The following PRMT8 variants were observed in gnomAD, a reference collection of about 807,000 sequenced individuals.
PRMT8 encodes the protein protein arginine N-methyltransferase 8.
A neutral mutation model predicts 47.1 loss-of-function variants in PRMT8; 7 were observed. The ratio of observed to expected loss-of-function variants is 0.15; its 90% CI spans 0.08 to 0.28. The LOEUF is 0.28. Ranked by LOEUF, PRMT8 falls within the 10% of genes least tolerant of loss-of-function variation. PRMT8 has a pLI of 1.00. For synonymous variants in PRMT8, 188 were observed against 186.5 expected (o/e 1.01, Z -0.07); for missense variants, 237 against 505.4 (o/e 0.47, Z 5.09).
intron 1 of PRMT8, among the ~76,000 whole-genome samples, chr12:3,443,930 A>T (rs946266720): frequency 6.6e-6 from 1 of 152,188 alleles, no homozygotes; most frequent in Non-Finnish European, 1.5e-5. Flanking sequence ...CATGCCCCTC[A>T]AAAGACAAGG....
Position 3,409,978 on chromosome 12 carries a change from TC to T in PRMT8, c.48+28537del, listed in dbSNP as rs1864409937. ...AACTGGGAGGCGTGGATGGAGTGGC[TC>T]TGGCCCTCTGGCAGCCTGTTACCTC... On this transcript the variant is annotated intron_variant, in intron 1 of 9. Coordinates refer to the PRMT8 transcript ENST00000452611. This position sits in a 1 kb window ranked among gnomAD's most constrained non-coding sequence, Gnocchi z 4.4. Among the ~76,000 whole-genome samples, 1 of 152,204 alleles carries T rather than the reference TC, an allele frequency of 6.6e-6. No homozygotes were observed. The highest frequency in any genetic ancestry group is 1.5e-5 in the Non-Finnish European group (1 of 68,024).
At chr12:3,489,819 ACACACACACACACACGCGCG>A (rs1352669739), upstream of PRMT8, among the ~76,000 whole-genome samples, 1 of 141,512 alleles carries the variant, frequency 7.1e-6, no homozygotes, top group Admixed American at 6.9e-5. Flanking sequence ...ACACACACAC[ACACACACACACACACGCGCG>A]CACACACACA....
chr12:3,587,966 C>A (rs955838276), intron 8 of PRMT8, among the ~76,000 whole-genome samples: 5 of 152,180 alleles, frequency 3.3e-5, no homozygotes, highest in East Asian at 1.9e-4. Flanking sequence ...GTGCCCCCCC[C>A]ACCACAACAC....
intron 1 of PRMT8, among the ~76,000 whole-genome samples, chr12:3,458,598 A>G (rs940935406): frequency 2.0e-5 from 3 of 152,358 alleles, no homozygotes; most frequent in Admixed American, 1.3e-4. Context: ...TTTTGAGCCA[A>G]TCAGACCTTT....
rs1283020024 is a variant in PRMT8, at chr12:3,580,013, AT to A, written c.828+3030del. Among the ~76,000 whole-genome samples, 1 of 151,830 alleles carries A rather than the reference AT, an allele frequency of 6.6e-6. No individual in the cohort carries two copies. The highest frequency in any genetic ancestry group is 1.5e-5 in the Non-Finnish European group (1 of 67,968). On this transcript the variant is annotated intron_variant, in intron 7 of 9. Coordinates refer to ENST00000382622, the MANE Select transcript of PRMT8 (RefSeq NM_019854.5). This position sits in a 1 kb window ranked among gnomAD's most constrained non-coding sequence, Gnocchi z 4.6. Reference sequence around the variant, plus strand: ...TGGGGAGTCAGGGTAACTGGGGCTGATTTGGTTGGGGGTTGGGGAACCTGAG... The same window carrying A: ...TGGGGAGTCAGGGTAACTGGGGCTGATTGGTTGGGGGTTGGGGAACCTGAG...
In PRMT8 at chr12:3,566,747, C is replaced by A. The variant is rs1866727072; in HGVS notation, c.482-1959C>A. On this transcript the variant is annotated intron_variant, in intron 4 of 9. Coordinates refer to ENST00000382622, the MANE Select transcript of PRMT8 (RefSeq NM_019854.5). The surrounding 1 kb of genome is among the most constrained non-coding windows in gnomAD (Gnocchi z 4.7). ...AGATGTGGTTCTTTTGATTTTTACT[C>A]CTAAGTACAGGCCATTGTTTGTTTT... Among the ~76,000 whole-genome samples, 1 of 152,154 alleles carries A rather than the reference C, an allele frequency of 6.6e-6. No homozygotes were observed. Among genetic ancestry groups the A allele is most frequent in the African/African-American group, 2.4e-5 (1 of 41,436 alleles).
At chr12:3,592,000 G>T (rs570150236) in intron 8 of PRMT8, among the ~76,000 whole-genome samples, 1 of 152,124 alleles carries the variant, frequency 6.6e-6, no homozygotes, top group African/African-American at 2.4e-5. Context: ...GCACTGAGGA[G>T]ATGGGGATGT....
chr12:3,397,994 C>A (rs1258829429), intron 1 of PRMT8, among the ~76,000 whole-genome samples: 1 of 152,200 alleles, frequency 6.6e-6, no homozygotes, highest in African/African-American at 2.4e-5. Flanking sequence ...TCCATCACCC[C>A]TTTGACTAGG....
intron 1 of PRMT8, among the ~76,000 whole-genome samples, chr12:3,434,848 G>A (rs1305783324): frequency 6.6e-6 from 1 of 151,216 alleles, no homozygotes; most frequent in African/African-American, 2.5e-5. Context: ...AAGGGCCTCA[G>A]GAGGAAGTGT....
At position 3,468,207 on chromosome 12, in the gene PRMT8, C is replaced by T. The variant is rs552008481; in HGVS notation, c.49-72399C>T. Among the ~76,000 whole-genome samples the T allele has an allele frequency of 1.1e-4, 17 of 152,214 alleles. No individual in the cohort carries two copies. In the East Asian group the frequency reaches 2.3e-3, roughly 21 times the overall value. ...GACCTTCTCTGGGCTGGATATCGTG[C>T]GTAAGCAGGTGCACTACTGTGATCG... On this transcript the variant is annotated intron_variant, in intron 1 of 9. Coordinates refer to the PRMT8 transcript ENST00000452611.
chr12:3,444,050 G>A (rs1050125299), intron 1 of PRMT8, among the ~76,000 whole-genome samples: 1 of 152,128 alleles, frequency 6.6e-6, no homozygotes, highest in Non-Finnish European at 1.5e-5. Flanking sequence ...ATTATATTAT[G>A]TACAACACCA....
At chr12:3,491,831 CCTGTGTG>C in intron 1 of PRMT8, 131 bp downstream of exon 1, 1 of 738,920 alleles carries the variant, frequency 1.4e-6, no homozygotes, top group Non-Finnish European at 1.9e-6. Flanking sequence ...CCGGCCTCCT[CCTGTGTG>C]TGTGTGTGTG....
At chr12:3,571,622 G>GA (rs990421732) in intron 6 of PRMT8, among the ~76,000 whole-genome samples, 56 of 146,006 alleles carry the variant, frequency 3.8e-4, no homozygotes, top group South Asian at 1.1e-3. Context: ...TTTGGAAAAG[G>GA]AAAAAAAAAA....
Position 3,569,363 on chromosome 12 carries a change from T to G in PRMT8, c.625-114T>G. ...CCAGACAAGGTGACAGTCCACTGCA[T>G]GAGAGATGGTGGCAAGGGGGTGCTT... On this transcript the variant is annotated intron_variant, in intron 5 of 9. Transcript: ENST00000382622. This position sits in a 1 kb window ranked among gnomAD's most constrained non-coding sequence, Gnocchi z 8.2. 37 of 863,136 alleles carry G rather than the reference T, an allele frequency of 4.3e-5. No homozygotes were observed. The highest frequency in any genetic ancestry group is 6.2e-5 in the Non-Finnish European group (31 of 503,858). The allele number at this position is 863,136 out of a possible 1,614,324, so 53.5% of individuals were successfully genotyped here.
chr12:3,506,738 T>C (rs1009904220), intron 1 of PRMT8, among the ~76,000 whole-genome samples: 8 of 152,138 alleles, frequency 5.3e-5, no homozygotes, highest in African/African-American at 1.9e-4. Flanking sequence ...TCCCTCGAGA[T>C]AGACACGCTG....
chr12:3,516,518 C>A (rs1331528994), intron 1 of PRMT8, among the ~76,000 whole-genome samples: 1 of 152,000 alleles, frequency 6.6e-6, no homozygotes, highest in Non-Finnish European at 1.5e-5. Context: ...GAAGTGGTGT[C>A]CGGTGCTGAA....
chr12:3,517,397 A>G (rs1011012145), intron 1 of PRMT8, among the ~76,000 whole-genome samples: 9 of 152,306 alleles, frequency 5.9e-5, no homozygotes, highest in East Asian at 3.9e-4. Context: ...CGCTCTGTCC[A>G]GGTGTCCTGG....
chr12:3,566,419 GGTAGGGGC>G lies in PRMT8; in HGVS notation c.482-2286_482-2279del, dbSNP rs1452882926. Among the ~76,000 whole-genome samples the G allele has an allele frequency of 6.6e-6, 1 of 152,130 alleles. No homozygotes were observed. Among genetic ancestry groups the G allele is most frequent in the Admixed American group, 6.5e-5 (1 of 15,268 alleles). ...GCTCTTCCTGCTCATACTTTTTAAT[GGTAGGGGC>G]TTTTGAGCAGTAACCAGTCAGGAGG... On this transcript the variant is annotated intron_variant, in intron 4 of 9. Coordinates refer to ENST00000382622, the MANE Select transcript of PRMT8 (RefSeq NM_019854.5). This position sits in a 1 kb window ranked among gnomAD's most constrained non-coding sequence, Gnocchi z 4.7.
At chr12:3,425,094 A>G (rs780787860) in intron 1 of PRMT8, among the ~76,000 whole-genome samples, 2 of 152,224 alleles carry the variant, frequency 1.3e-5, no homozygotes, top group Admixed American at 6.5e-5. Flanking sequence ...ACCTCTACAC[A>G]GTTATGTTCA....
Sources: allele counts gnomAD v4.1 joint callset (sites outside exome capture counted in the v4.1 genomes callset), GRCh38; gene constraint gnomAD v4.1.1; non-coding constraint Gnocchi (gnomAD v3.1); transcripts MANE v1.5; gene names NCBI Gene and HGNC (gene_info 2026-07-23, HGNC 2026-07-21).